Variants in RNF180 observed in about 807,000 individuals in gnomAD.
RNF180 encodes ring finger protein 180.
Under a neutral mutation model 59.2 loss-of-function variants are expected in RNF180, and 38 were observed. The ratio of observed to expected loss-of-function variants is 0.64; its 90% CI spans 0.50 to 0.84. RNF180 has a LOEUF of 0.84. Among genes scored for constraint, RNF180 ranks in the 40% least tolerant of loss-of-function variants. RNF180 has a pLI of 0.00. For synonymous variants in RNF180, 262 were observed against 240.3 expected, an observed-to-expected ratio of 1.09 and a Z score of -0.84; for missense variants, 705 against 700.9, an observed-to-expected ratio of 1.01 and a Z score of -0.07.
chr5:64,340,070 A>G (rs943437704), intron 7 of RNF180, among the ~76,000 whole-genome samples: 63 of 152,246 alleles, frequency 4.1e-4, no homozygotes, highest in African/African-American at 1.5e-3. Context: ...TTTGAACAGT[A>G]TCCAACTGAT....
At chr5:64,342,164 G>A (rs541267729) in intron 7 of RNF180, among the ~76,000 whole-genome samples, 29 of 152,196 alleles carry the variant, frequency 1.9e-4, no homozygotes, top group African/African-American at 7.0e-4. Context: ...GGTGGCAAGC[G>A]ATCACTCTCA....
chr5:64,356,449 A>G (rs1746030817), intron 7 of RNF180, among the ~76,000 whole-genome samples: 1 of 151,920 alleles, frequency 6.6e-6, no homozygotes, highest in South Asian at 2.1e-4. Flanking sequence ...GGAGAAATGT[A>G]AATTCCTCGA....
chr5:64,176,392 C>T (rs936512715), intron 1 of RNF180, among the ~76,000 whole-genome samples: 3 of 151,782 alleles, frequency 2.0e-5, no homozygotes, highest in African/African-American at 7.3e-5. Context: ...TTTATCTTTC[C>T]AGAAAACCAG....
At chr5:64,199,043 C>G (rs2035999) in intron 1 of RNF180, among the ~76,000 whole-genome samples, 7,483 of 152,232 alleles carry the variant, frequency 0.049, 607 homozygotes, top group African/African-American at 0.16. Flanking sequence ...GTTTCGAACT[C>G]CTGACCTCAG....
chr5:64,239,088 G>A (rs1742626260), intron 5 of RNF180, among the ~76,000 whole-genome samples: 1 of 152,090 alleles, frequency 6.6e-6, no homozygotes, highest in South Asian at 2.1e-4. Context: ...TCTTCTTCTA[G>A]TTAAATATAA....
intron 5 of RNF180, among the ~76,000 whole-genome samples, chr5:64,243,546 C>A (rs1239153434): frequency 6.6e-6 from 1 of 152,222 alleles, no homozygotes; most frequent in African/African-American, 2.4e-5. Context: ...TTCCTTCTCA[C>A]TGGACAGGGC....
chr5:64,259,263 C>A (rs994183211), intron 5 of RNF180, among the ~76,000 whole-genome samples: 1 of 152,052 alleles, frequency 6.6e-6, no homozygotes, highest in Non-Finnish European at 1.5e-5. Context: ...GGCTGAGAAT[C>A]CCGACAGTAA....
chr5:64,285,905 C>CT (rs1257380140), intron 5 of RNF180, among the ~76,000 whole-genome samples: 1 of 152,182 alleles, frequency 6.6e-6, no homozygotes, highest in Non-Finnish European at 1.5e-5. Flanking sequence ...TGCCATCTCT[C>CT]TAAGCAGCTC....
intron 5 of RNF180, among the ~76,000 whole-genome samples, chr5:64,286,145 C>T (rs1275029869): frequency 2.0e-5 from 3 of 152,202 alleles, no homozygotes; most frequent in Non-Finnish European, 4.4e-5. Context: ...ATTTTCTAAT[C>T]TGGAAGGTTT....
At chr5:64,311,720 G>A (rs1039497501) in intron 5 of RNF180, among the ~76,000 whole-genome samples, 8 of 151,868 alleles carry the variant, frequency 5.3e-5, no homozygotes, top group African/African-American at 7.3e-5. Context: ...TTTGGGAAAC[G>A]TCTTCAGTAT....
chr5:64,221,043 T>A (rs1187110507), intron 5 of RNF180, among the ~76,000 whole-genome samples: 1 of 152,106 alleles, frequency 6.6e-6, no homozygotes, highest in African/African-American at 2.4e-5. Flanking sequence ...TTCATTTTCA[T>A]GGATCTGCAT....
intron 5 of RNF180, among the ~76,000 whole-genome samples, chr5:64,241,526 A>G (rs1742806457): frequency 6.6e-6 from 1 of 152,222 alleles, no homozygotes; most frequent in African/African-American, 2.4e-5. Context: ...TGAGCTGCAT[A>G]TGATAACTTA....
intron 7 of RNF180, among the ~76,000 whole-genome samples, chr5:64,366,045 T>C (rs1330971026): frequency 1.3e-5 from 2 of 151,470 alleles, no homozygotes; most frequent in Non-Finnish European, 3.0e-5. Context: ...CAACCTGTTT[T>C]TATGGTTGCT....
chr5:64,310,882 C>T (rs891665677), intron 5 of RNF180, among the ~76,000 whole-genome samples: 2 of 151,924 alleles, frequency 1.3e-5, no homozygotes, highest in African/African-American at 4.8e-5. Flanking sequence ...AACTCAGTCA[C>T]ATCAGTAATT....
intron 1 of RNF180, among the ~76,000 whole-genome samples, chr5:64,187,199 G>A (rs147361166): frequency 6.6e-6 from 1 of 152,280 alleles, no homozygotes; most frequent in Non-Finnish European, 1.5e-5. Context: ...GAATAAAGAA[G>A]TGCTATTCAA....
At chr5:64,189,867 G>A (rs1175330908) in intron 1 of RNF180, among the ~76,000 whole-genome samples, 1 of 152,138 alleles carries the variant, frequency 6.6e-6, no homozygotes, top group African/African-American at 2.4e-5. Flanking sequence ...ACAAAATAAA[G>A]GAAGGCTTTC....
At chr5:64,185,410 T>G (rs1005864566) in intron 1 of RNF180, among the ~76,000 whole-genome samples, 1 of 152,162 alleles carries the variant, frequency 6.6e-6, no homozygotes, top group Admixed American at 6.6e-5. Flanking sequence ...ATGAGTAAAT[T>G]AAGAGTTTAC....
intron 5 of RNF180, among the ~76,000 whole-genome samples, chr5:64,258,373 G>A (rs1310026725): frequency 6.6e-6 from 1 of 152,190 alleles, no homozygotes; most frequent in Non-Finnish European, 1.5e-5. Context: ...AGGTGGATAA[G>A]GTCAGAGAAA....
intron 7 of RNF180, among the ~76,000 whole-genome samples, chr5:64,366,488 C>T (rs182776303): frequency 6.6e-6 from 1 of 151,552 alleles, no homozygotes; most frequent in East Asian, 2.0e-4. Context: ...TGAATGTTGG[C>T]CTCTATAGCT....
Sources: gnomAD v4.1 joint callset for allele counts (sites outside exome capture counted in the v4.1 genomes callset) on GRCh38, gnomAD v4.1.1 for gene constraint, MANE v1.5 for transcripts, NCBI Gene and HGNC (gene_info 2026-07-23, HGNC 2026-07-21) for gene names.